The following DOC2B variants were observed in gnomAD, a reference collection of about 807,000 sequenced individuals.
The protein encoded by DOC2B is double C2-like domain-containing protein beta.
DOC2B carries 21 observed loss-of-function variants against 28.9 expected under a neutral mutation model. The ratio of observed to expected loss-of-function variants is 0.73; its 90% CI spans 0.52 to 1.05. The LOEUF (loss-of-function observed/expected upper bound fraction) is 1.05, where lower values mean the gene tolerates loss of function less well. DOC2B is among the 50% of genes least tolerant of loss of function. The pLI is 0.00. For synonymous variants in DOC2B, 194 were observed against 178.1 expected (o/e 1.09, Z -0.71); for missense variants, 384 against 421.1 (o/e 0.91, Z 0.77).
At chr17:152,614 A>G (rs538397010) in intron 6 of DOC2B, among the ~76,000 whole-genome samples, 1 of 152,206 alleles carries the variant, frequency 6.6e-6, no homozygotes, top group African/African-American at 2.4e-5. Context: ...CAAAAAATAC[A>G]AAAAACAACT....
intron 5 of DOC2B, among the ~76,000 whole-genome samples, chr17:158,413 C>A (rs1272547348): frequency 6.6e-6 from 1 of 152,168 alleles, no homozygotes; most frequent in Admixed American, 6.5e-5. Context: ...TGCCTAACAC[C>A]AAAGTGAGTC....
intron 2 of DOC2B, among the ~76,000 whole-genome samples, chr17:170,660 T>A (rs1397349424): frequency 6.6e-6 from 1 of 152,092 alleles, no homozygotes; most frequent in African/African-American, 2.4e-5. Flanking sequence ...TTTGGCACCT[T>A]CCTCCCACAG....
At chr17:166,157 A>G (rs1484446257) in intron 2 of DOC2B, among the ~76,000 whole-genome samples, 1 of 152,180 alleles carries the variant, frequency 6.6e-6, no homozygotes, top group Non-Finnish European at 1.5e-5. Context: ...CAGTTCCCTG[A>G]GCACCCTGGG....
intron 1 of DOC2B, among the ~76,000 whole-genome samples, chr17:176,299 C>T: frequency 6.6e-6 from 1 of 151,954 alleles, no homozygotes; most frequent in South Asian, 2.1e-4. Flanking sequence ...CCTCTCACCT[C>T]AGCCTCCCAA....
At chr17:160,678 G>T (rs565118854) in intron 5 of DOC2B, among the ~76,000 whole-genome samples, 2 of 152,276 alleles carry the variant, frequency 1.3e-5, no homozygotes, top group Non-Finnish European at 2.9e-5. Flanking sequence ...GGGACTCCTG[G>T]CTTCACCAGC....
intron 6 of DOC2B, among the ~76,000 whole-genome samples, chr17:155,833 A>G (rs1165131079): frequency 6.6e-6 from 1 of 152,174 alleles, no homozygotes; most frequent in Non-Finnish European, 1.5e-5. Context: ...GGGCAGTTGC[A>G]AAGGCCTGGC....
In DOC2B at chr17:181,102, C is replaced by A; in HGVS notation, c.373+5G>T. On this transcript the variant is annotated splice_donor_5th_base_variant and intron_variant, in intron 1 of 8. Coordinates refer to ENST00000613549, the MANE Select transcript of DOC2B (RefSeq NM_003585.5). This position sits in a 1 kb window ranked among gnomAD's most constrained non-coding sequence, Gnocchi z 7.0. ...GGGCGCGAAGTCGGCGCGTGGGAAACTTACTGCAGTCGTCCGACTCGTAGC... is the reference window on the plus strand; with the variant it reads ...GGGCGCGAAGTCGGCGCGTGGGAAAATTACTGCAGTCGTCCGACTCGTAGC... The A allele has an allele frequency of 8.0e-7, 1 of 1,244,190 alleles. No homozygotes were observed. The highest frequency in any genetic ancestry group is 1.0e-6 in the Non-Finnish European group (1 of 992,774). 77.1% of individuals were successfully genotyped at this position (1,244,190 alleles called of 1,614,324 possible).
At position 152,611 on chromosome 17, in the gene DOC2B, T is replaced by C. The variant is rs149228065; in HGVS notation, c.924-3419A>G. Among the ~76,000 whole-genome samples the C allele has an allele frequency of 1.4e-3, 216 of 151,854 alleles. 1 individual carries two copies. The highest frequency in any genetic ancestry group is 5.0e-3 in the African/African-American group (205 of 41,410). ...GGCAAAACCCAGTCTCTACAAAAAA[T>C]ACAAAAAACAACTAGCCAGGCGTGG... On this transcript the variant is annotated intron_variant, in intron 6 of 8. Coordinates refer to ENST00000613549, the MANE Select transcript of DOC2B (RefSeq NM_003585.5).
chr17:152,757 T>C (rs748327430), intron 6 of DOC2B, among the ~76,000 whole-genome samples: 2 of 152,014 alleles, frequency 1.3e-5, no homozygotes, highest in African/African-American at 4.8e-5. Context: ...GGTGACAGAG[T>C]GAGTCACTGT....
intron 1 of DOC2B, among the ~76,000 whole-genome samples, chr17:179,810 C>A (rs2040415985): frequency 6.6e-6 from 1 of 152,286 alleles, no homozygotes; most frequent in South Asian, 2.1e-4. Flanking sequence ...GTGCCAGGCG[C>A]TGGCCCGAGG....
Position 181,476 on chromosome 17 carries a change from T to C in DOC2B, c.4A>G (p.Thr2Ala), listed in dbSNP as rs1197589080. 9.3e-7 allele frequency: 1 copy of C among 1,073,682 alleles called. No individual in the cohort carries two copies. Among genetic ancestry groups the C allele is most frequent in the Non-Finnish European group, 1.1e-6 (1 of 884,446 alleles). 66.5% of individuals were successfully genotyped at this position (1,073,682 alleles called of 1,614,324 possible). A position where few individuals can be genotyped will look rare whatever the true frequency, so the allele number is the denominator to read the frequency against. Residue 2 changes from threonine to alanine, a missense_variant, in exon 1 of 9, where the codon ACC (threonine) becomes GCC (alanine). By Grantham distance (58) the Thr-to-Ala change is moderately conservative. Transcript: ENST00000613549. The surrounding 1 kb of genome is among the most constrained non-coding windows in gnomAD (Gnocchi z 7.0). M[T>A]LRRRGEKATI... ...GCCTTCTCCCCGCGCCGCCGGAGGG[T>C]CATGCAGGCAGCGCCGCCCCGCCCC...
intron 2 of DOC2B, among the ~76,000 whole-genome samples, chr17:170,666 C>T (rs150501844): frequency 1.3e-5 from 2 of 152,172 alleles, no homozygotes; most frequent in Non-Finnish European, 2.9e-5. Flanking sequence ...ACCTTCCTCC[C>T]ACAGGGAGCA....
Position 145,256 on chromosome 17 carries a change from T to C in DOC2B, c.*2185A>G, listed in dbSNP as rs958901898. ...CTGAGCTTACTGAGCCTTCACCTGGTGTCTCTGCTGAGTCTCCGACAGACC... is the reference window on the plus strand; with the variant it reads ...CTGAGCTTACTGAGCCTTCACCTGGCGTCTCTGCTGAGTCTCCGACAGACC... On this transcript the variant is annotated 3_prime_UTR_variant, in exon 9 of 9. Coordinates refer to ENST00000613549, the MANE Select transcript of DOC2B (RefSeq NM_003585.5). 1.4e-4 allele frequency: 21 copies of C among 152,146 alleles called. No homozygotes were observed. Among genetic ancestry groups the C allele is most frequent in the African/African-American group, 4.8e-4 (20 of 41,414 alleles). The allele number at this position is 152,146 out of a possible 1,614,324, so 9.4% of individuals were successfully genotyped here. A position where few individuals can be genotyped will look rare whatever the true frequency, so the allele number is the denominator to read the frequency against.
intron 4 of DOC2B, among the ~76,000 whole-genome samples, chr17:161,798 A>C (rs897746724): frequency 5.3e-5 from 8 of 152,182 alleles, no homozygotes; most frequent in Non-Finnish European, 1.0e-4. Context: ...AGTAGCCAGG[A>C]GGCTGGGAGA....
At chr17:173,311 C>T (rs1028159811) in intron 1 of DOC2B, among the ~76,000 whole-genome samples, 1 of 152,166 alleles carries the variant, frequency 6.6e-6, no homozygotes, top group African/African-American at 2.4e-5. Flanking sequence ...CTGTGGCTTT[C>T]CATGCAGAAG....
At chr17:150,209 A>G (rs2040057166) in intron 6 of DOC2B, among the ~76,000 whole-genome samples, 1 of 152,166 alleles carries the variant, frequency 6.6e-6, no homozygotes, top group African/African-American at 2.4e-5. Context: ...TTCTTTGCAA[A>G]GCTTCTCACC....
chr17:157,139 G>A (rs1235723320), intron 5 of DOC2B, among the ~76,000 whole-genome samples: 3 of 152,188 alleles, frequency 2.0e-5, no homozygotes, highest in East Asian at 1.9e-4. Flanking sequence ...GGCCTGGCGC[G>A]CTCGGCTTCC....
intron 8 of DOC2B, 80 bp from the exon 9 acceptor site, chr17:147,657 C>T (rs1266772273): frequency 5.0e-6 from 2 of 398,548 alleles, no homozygotes; most frequent in Non-Finnish European, 8.8e-6. Context: ...CTCCCAGGTT[C>T]TGTGCTCGAA....
intron 6 of DOC2B, among the ~76,000 whole-genome samples, chr17:153,263 C>T (rs1555521990): frequency 6.6e-6 from 1 of 152,236 alleles, no homozygotes; most frequent in Non-Finnish European, 1.5e-5. Context: ...AGTGGACAGG[C>T]CCTGCCCAGA....
Sources: allele counts gnomAD v4.1 joint callset (sites outside exome capture counted in the v4.1 genomes callset), GRCh38; gene constraint gnomAD v4.1.1; non-coding constraint Gnocchi (gnomAD v3.1); transcripts MANE v1.5; gene names NCBI Gene and HGNC (gene_info 2026-07-23, HGNC 2026-07-21).